Variants in TENM1 observed in about 807,000 individuals in gnomAD.
The protein encoded by TENM1 is teneurin transmembrane protein 1.
TENM1 carries 35 observed loss-of-function variants against 174.8 expected under a neutral mutation model. That is an observed-to-expected ratio of 0.20 (90% CI 0.15 to 0.27). The LOEUF (loss-of-function observed/expected upper bound fraction) is 0.27, where lower values mean the gene tolerates loss of function less well. Among genes scored for constraint, TENM1 ranks in the 10% least tolerant of loss-of-function variants. TENM1 has a pLI of 1.00. For missense variants in TENM1, 1,633 were observed against 2,130.1 expected (o/e 0.77, Z 4.59); for synonymous variants, 781 against 798.7 (o/e 0.98, Z 0.37).
At chrX:124,844,708 G>A (rs1235757824) in intron 3 of TENM1, among the ~76,000 whole-genome samples, 1 of 112,063 alleles carries the variant, frequency 8.9e-6, no homozygotes, top group Non-Finnish European at 1.9e-5. Flanking sequence ...AAGTTGCACT[G>A]AAGGTAAAAT....
At chrX:124,922,191 C>CTTGGT (rs896272168) in intron 1 of TENM1, among the ~76,000 whole-genome samples, 3 of 111,524 alleles carry the variant, frequency 2.7e-5, no homozygotes, top group Admixed American at 1.9e-4. Flanking sequence ...TGGTAAGTTA[C>CTTGGT]TTGGTTTGCA....
intron 8 of TENM1, 79 bp downstream of exon 11, chrX:124,651,835 C>A (rs1438348551): frequency 3.5e-6 from 4 of 1,135,617 alleles, no homozygotes; most frequent in South Asian, 2.2e-5. Flanking sequence ...GCTTAAATAA[C>A]CCCCAGGACA....
At chrX:124,933,327 C>T (rs1472888211) in intron 1 of TENM1, among the ~76,000 whole-genome samples, 1 of 112,005 alleles carries the variant, frequency 8.9e-6, no homozygotes, top group African/African-American at 3.3e-5. Context: ...TTGGGAAAGC[C>T]CTGTTCCAAC....
chrX:124,468,071 G>A (rs763490647), intron 22 of TENM1, among the ~76,000 whole-genome samples: 1 of 111,214 alleles, frequency 9.0e-6, no homozygotes, highest in South Asian at 3.8e-4. Context: ...TTCAAAATTA[G>A]GAAATATTTC....
chrX:124,998,493 A>G, the TENM1 span, among the ~76,000 whole-genome samples: 1 of 110,590 alleles, frequency 9.0e-6, no homozygotes, highest in Non-Finnish European at 1.9e-5. Context: ...AAAAAAAACA[A>G]TGATAATAGT....
chrX:124,556,833 G>T (rs1044036047), intron 14 of TENM1, among the ~76,000 whole-genome samples: 1 of 111,407 alleles, frequency 9.0e-6, no homozygotes, highest in Non-Finnish European at 1.9e-5. Flanking sequence ...GAGAAATAAA[G>T]TTTATATTTT....
chrX:125,012,837 G>T, the TENM1 span, among the ~76,000 whole-genome samples: 1 of 111,460 alleles, frequency 9.0e-6, no homozygotes, highest in Non-Finnish European at 1.9e-5. Flanking sequence ...CAATTCAAGG[G>T]TATTACTTGA....
intron 11 of TENM1, among the ~76,000 whole-genome samples, chrX:124,635,192 A>C (rs923841577): frequency 5.4e-5 from 6 of 111,725 alleles, no homozygotes; most frequent in Admixed American, 2.8e-4. Flanking sequence ...CCATTTTGCT[A>C]ATCTTCCACT....
intron 3 of TENM1, among the ~76,000 whole-genome samples, chrX:124,749,688 C>T (rs749359368): frequency 2.7e-5 from 3 of 111,543 alleles, no homozygotes; most frequent in Non-Finnish European, 3.8e-5. Flanking sequence ...AGAAATGTGG[C>T]GCTTTGTAGG....
At chrX:124,756,932 G>T (rs1462304254) in intron 3 of TENM1, among the ~76,000 whole-genome samples, 2 of 111,923 alleles carry the variant, frequency 1.8e-5, no homozygotes, top group African/African-American at 6.5e-5. Context: ...GGCTGCTCGG[G>T]GGTCAGGGGT....
chrX:124,684,323 T>TA (rs2052308012), intron 5 of TENM1, among the ~76,000 whole-genome samples: 1 of 111,837 alleles, frequency 8.9e-6, no homozygotes, highest in African/African-American at 3.2e-5. Flanking sequence ...AACACAGACA[T>TA]AAAAAAAGAT....
intron 1 of TENM1, among the ~76,000 whole-genome samples, chrX:124,923,494 T>A (rs151259882): frequency 0.047 from 5,282 of 112,237 alleles, 288 homozygotes; most frequent in African/African-American, 0.16. Flanking sequence ...TAACAATGTA[T>A]GTTTATTATC....
At chrX:124,674,329 A>AAAAT (rs2052004941) in intron 5 of TENM1, among the ~76,000 whole-genome samples, 2 of 104,242 alleles carry the variant, frequency 1.9e-5, no homozygotes, top group African/African-American at 7.1e-5. Flanking sequence ...AAAAAAAAAA[A>AAAAT]GTGAATCTGC....
intron 22 of TENM1, among the ~76,000 whole-genome samples, chrX:124,471,335 C>CTATATATTA (rs2061315482): frequency 2.9e-4 from 3 of 10,526 alleles, no homozygotes; most frequent in African/African-American, 1.3e-3. Flanking sequence ...ATATATAGTA[C>CTATATATTA]TATATATAAT....
the TENM1 span, among the ~76,000 whole-genome samples, chrX:125,061,689 G>A: frequency 8.9e-6 from 1 of 112,015 alleles, no homozygotes; most frequent in South Asian, 3.7e-4. Context: ...GGTCGAGGCG[G>A]GCAGATCGCT....
chrX:124,569,412 T>C (rs1370635049), intron 11 of TENM1, among the ~76,000 whole-genome samples: 2 of 112,105 alleles, frequency 1.8e-5, no homozygotes, highest in African/African-American at 3.2e-5. Context: ...TTTGATCTAA[T>C]TGATACATAC....
intron 1 of TENM1, among the ~76,000 whole-genome samples, chrX:124,919,523 A>G (rs760528371): frequency 3.1e-4 from 35 of 111,463 alleles, no homozygotes; most frequent in African/African-American, 1.1e-3. Flanking sequence ...GGATGCATAC[A>G]TACATGGCAA....
chrX:124,775,776 G>A (rs772805258), intron 3 of TENM1, among the ~76,000 whole-genome samples: 45 of 111,982 alleles, frequency 4.0e-4, no homozygotes, highest in Non-Finnish European at 7.1e-4. Flanking sequence ...TGCTTGTTAT[G>A]GTAGAAAGTA....
the TENM1 span, among the ~76,000 whole-genome samples, chrX:124,968,920 T>G: frequency 8.9e-6 from 1 of 112,008 alleles, no homozygotes; most frequent in Non-Finnish European, 1.9e-5. Flanking sequence ...AAGATTAATA[T>G]TTTAAATCCA....
Sources: gnomAD v4.1 joint callset for allele counts (sites outside exome capture counted in the v4.1 genomes callset) on GRCh38, gnomAD v4.1.1 for gene constraint, MANE v1.5 for transcripts, NCBI Gene and HGNC (gene_info 2026-07-23, HGNC 2026-07-21) for gene names.